Variants in ANKRD11 observed in about 807,000 individuals in gnomAD.
ANKRD11 encodes the protein ankyrin repeat domain 11.
Under a neutral mutation model 195.7 loss-of-function variants are expected in ANKRD11, and 17 were observed. The ratio of observed to expected loss-of-function variants is 0.09; its 90% CI spans 0.06 to 0.13. The LOEUF is 0.13. ANKRD11 is among the 10% of genes least tolerant of loss of function. The pLI, the probability that ANKRD11 is intolerant of heterozygous loss-of-function variation, is 1.00. For missense variants in ANKRD11, 3,735 were observed against 3,566.1 expected (o/e 1.05, Z -1.21); for synonymous variants, 1,953 against 1,528.1 (o/e 1.28, Z -6.49).
At chr16:89,464,619 A>AAAAAAG (rs1555595191) in intron 1 of ANKRD11, among the ~76,000 whole-genome samples, 10 of 151,386 alleles carry the variant, frequency 6.6e-5, no homozygotes, top group African/African-American at 2.4e-4. Flanking sequence ...AAAAAAAAAA[A>AAAAAAG]AAAAGAAAAG....
intron 2 of ANKRD11, among the ~76,000 whole-genome samples, chr16:89,382,406 A>C (rs1352967387): frequency 6.6e-6 from 1 of 151,862 alleles, no homozygotes; most frequent in Non-Finnish European, 1.5e-5. Context: ...GCTCACTGCC[A>C]CCTCCGCCTC....
At chr16:89,463,817 G>A (rs1006476399) in intron 1 of ANKRD11, among the ~76,000 whole-genome samples, 1 of 140,602 alleles carries the variant, frequency 7.1e-6, no homozygotes, top group Non-Finnish European at 1.6e-5. Flanking sequence ...AGACTGTTAA[G>A]TTTAATGCTC....
At chr16:89,488,206 C>T (rs879501672) in intron 1 of ANKRD11, among the ~76,000 whole-genome samples, 5 of 152,140 alleles carry the variant, frequency 3.3e-5, no homozygotes, top group Non-Finnish European at 5.9e-5. Context: ...TTGTGGGGAA[C>T]TTTTCAACAA....
intron 3 of ANKRD11, among the ~76,000 whole-genome samples, chr16:89,307,884 C>T (rs1229140324): frequency 6.6e-6 from 1 of 152,290 alleles, no homozygotes; most frequent in East Asian, 1.9e-4. Flanking sequence ...GCCACCATCA[C>T]CCTAATCTCA....
intron 11 of ANKRD11, 30 bp from the exon 12 acceptor site, chr16:89,270,939 A>G: frequency 6.2e-7 from 1 of 1,610,578 alleles, no homozygotes; most frequent in Non-Finnish European, 8.5e-7. Context: ...GAGTTTCATC[A>G]GGAGCCCCAG....
chr16:89,343,884 G>A (rs886599089), intron 2 of ANKRD11: 1 of 152,286 alleles, frequency 6.6e-6, no homozygotes, highest in Non-Finnish European at 1.5e-5. Flanking sequence ...GACCAACAGA[G>A]TAGGGAAAAC....
intron 6 of ANKRD11, 40 bp from the exon 7 acceptor site, chr16:89,288,710 A>G (rs777966539): frequency 6.2e-7 from 1 of 1,613,518 alleles, no homozygotes; most frequent in Admixed American, 1.7e-5. Context: ...TTTAATCCTC[A>G]GAACTTCCCT....
intron 2 of ANKRD11, among the ~76,000 whole-genome samples, chr16:89,329,610 TAGAA>T (rs1012551262): frequency 8.0e-6 from 1 of 125,130 alleles, no homozygotes; most frequent in Non-Finnish European, 1.7e-5. Flanking sequence ...TTAATTCCCA[TAGAA>T]AGAAGGAATA....
At chr16:89,462,948 T>TGG (rs765920653) in intron 1 of ANKRD11, among the ~76,000 whole-genome samples, 1 of 126,030 alleles carries the variant, frequency 7.9e-6, no homozygotes, top group African/African-American at 3.1e-5. Context: ...GAGGTGGAGG[T>TGG]GGGGGGGGTC....
intron 3 of ANKRD11, among the ~76,000 whole-genome samples, chr16:89,312,970 A>C (rs188151857): frequency 6.6e-6 from 1 of 152,150 alleles, no homozygotes; most frequent in South Asian, 2.1e-4. Flanking sequence ...ACTGGCACAG[A>C]CTGGGGGGGT....
chr16:89,348,265 TG>T (rs1455077380), intron 2 of ANKRD11, among the ~76,000 whole-genome samples: 2 of 152,204 alleles, frequency 1.3e-5, no homozygotes, highest in Admixed American at 6.5e-5. Flanking sequence ...TCTTCTTAGA[TG>T]ATCTTACGGC....
chr16:89,468,417 A>C lies in ANKRD11; in HGVS notation c.-145+21828T>G, dbSNP rs547406592. On this transcript the variant is annotated intron_variant, in intron 1 of 12. Coordinates refer to ENST00000301030, the MANE Select transcript of ANKRD11 (RefSeq NM_013275.6). ...TTGCTGTTACCAACAGAATGAAGCAAAAGTTGGCCAGGTGCAATGGCTCAC... is the reference window on the plus strand; with the variant it reads ...TTGCTGTTACCAACAGAATGAAGCACAAGTTGGCCAGGTGCAATGGCTCAC... 4.3e-4 allele frequency among the ~76,000 whole-genome samples: 65 copies of C among 152,228 alleles called. 1 individual carries two copies. Among genetic ancestry groups the C allele is most frequent in the Admixed American group, 8.5e-4 (13 of 15,288 alleles).
chr16:89,315,496 C>T (rs1410266020), intron 3 of ANKRD11, among the ~76,000 whole-genome samples: 4 of 152,220 alleles, frequency 2.6e-5, no homozygotes, highest in Non-Finnish European at 2.9e-5. Flanking sequence ...ACGCCCATCA[C>T]GACCACCAAA....
intron 2 of ANKRD11, among the ~76,000 whole-genome samples, chr16:89,392,127 G>A (rs1160225452): frequency 2.0e-5 from 3 of 152,144 alleles, no homozygotes; most frequent in East Asian, 1.9e-4. Flanking sequence ...AATGGAAACC[G>A]GACACAGCAG....
chr16:89,279,244 T>C lies in ANKRD11; in HGVS notation c.7298A>G (p.Asp2433Gly). 3 of 1,611,898 alleles carry C rather than the reference T, an allele frequency of 1.9e-6. No homozygotes were observed. Among genetic ancestry groups the C allele is most frequent in the Non-Finnish European group, 2.5e-6 (3 of 1,179,664 alleles). ...GTATTCGAAGTAGGGGTTGGCCCTGTCGCTGTGGTAGGGCTCGATGGCATC... is the reference window on the plus strand; with the variant it reads ...GTATTCGAAGTAGGGGTTGGCCCTGCCGCTGTGGTAGGGCTCGATGGCATC... ...KLDAIEPYHSDRANPYFEYLQ... is the reference protein window; with the variant it reads ...KLDAIEPYHSGRANPYFEYLQ... Residue 2433 changes from aspartate (D) to glycine (G), a missense_variant, in exon 9 of 13, where the codon GAC becomes GGC. Asp to Gly is a moderately conservative substitution (Grantham distance 94). Transcript: ENST00000301030. The surrounding 1 kb of genome is among the most constrained non-coding windows in gnomAD (Gnocchi z 5.6).
chr16:89,457,654 A>G (rs1441089359), intron 1 of ANKRD11, among the ~76,000 whole-genome samples: 3 of 151,978 alleles, frequency 2.0e-5, no homozygotes, highest in African/African-American at 2.4e-5. Flanking sequence ...CTAATCCACA[A>G]TAACAGAAAG....
intron 2 of ANKRD11, among the ~76,000 whole-genome samples, chr16:89,341,210 A>G (rs1471591784): frequency 1.3e-5 from 2 of 152,218 alleles, no homozygotes; most frequent in Non-Finnish European, 2.9e-5. Flanking sequence ...TCCGCGGAGA[A>G]GACTGGACTT....
intron 2 of ANKRD11, among the ~76,000 whole-genome samples, chr16:89,346,409 A>C (rs531782762): frequency 1.3e-5 from 2 of 152,216 alleles, no homozygotes; most frequent in Non-Finnish European, 2.9e-5. Context: ...CTGGAGCTAA[A>C]CATATAAAAT....
rs753840915 is a variant in ANKRD11 at position 89,290,726 on chromosome 16, C to T, written c.500G>A (p.Arg167His). The T allele has an allele frequency of 6.2e-6, 10 of 1,613,778 alleles. No homozygotes were observed. Among genetic ancestry groups the T allele is most frequent in the Non-Finnish European group, 8.5e-6 (10 of 1,180,010 alleles). ...GGCTCGGTGCAGGCGGGTCTCTCCA[C>T]GCTCGTTTCTCTTGTTCACTTTATC... ...TKDKVNKRNE[R>H]GETRLHRAAI... Residue 167 changes from arginine (R) to histidine (H), a missense_variant, in exon 6 of 13, where the codon CGT (arginine) becomes CAT (histidine). Coordinates refer to ENST00000301030, the MANE Select transcript of ANKRD11 (RefSeq NM_013275.6).
Sources: gnomAD v4.1 joint callset for allele counts (sites outside exome capture counted in the v4.1 genomes callset) on GRCh38, gnomAD v4.1.1 for gene constraint, Gnocchi (gnomAD v3.1) non-coding constraint, MANE v1.5 for transcripts, NCBI Gene and HGNC (gene_info 2026-07-23, HGNC 2026-07-21) for gene names.